KCNT2: variants seen among roughly 807,000 people sequenced by gnomAD.
KCNT2 encodes the protein potassium sodium-activated channel subfamily T member 2.
A neutral mutation model predicts 153.8 loss-of-function variants in KCNT2; 67 were observed. That is an observed-to-expected ratio of 0.44 (90% CI 0.36 to 0.53). The LOEUF is 0.53. KCNT2 is among the 20% of genes least tolerant of loss of function. The pLI is 0.00. For missense variants in KCNT2, 975 were observed against 1,354.8 expected, an observed-to-expected ratio of 0.72 and a Z score of 4.40; for synonymous variants, 500 against 458.8, an observed-to-expected ratio of 1.09 and a Z score of -1.15.
chr1:196,280,904 T>A lies in KCNT2; in HGVS notation c.2866A>T (p.Ile956Phe), dbSNP rs377580548. 3.1e-6 allele frequency: 5 copies of A among 1,610,664 alleles called. No homozygotes were observed. The highest frequency in any genetic ancestry group is 2.2e-5 in the East Asian group (1 of 44,812). The change falls in exon 25 of 28, where the codon ATT becomes TTT. Residue 956 changes from isoleucine (I) to phenylalanine (F), a missense_variant. This residue lies in a region of KCNT2 where 241 missense variants were observed against 271.1 expected (regional missense o/e 0.89). Transcript: ENST00000294725. ...TGAGACTCAGTCCTGTAGATTCCAA[T>A]GGGAACATCTCCAGTAGAAGAACAC... ...KLCSSTGDVP[I>F]GIYRTESQKL... is the part of the protein sequence containing the mutation.
At chr1:196,256,843 T>C (rs2147774467) in intron 26 of KCNT2, among the ~76,000 whole-genome samples, 2 of 152,046 alleles carry the variant, frequency 1.3e-5, no homozygotes, top group South Asian at 4.1e-4. Flanking sequence ...CCCGCTGGGC[T>C]GCATTCTCAG....
chr1:196,568,822 A>T (rs1339306543), intron 1 of KCNT2, among the ~76,000 whole-genome samples: 1 of 151,924 alleles, frequency 6.6e-6, no homozygotes, highest in Non-Finnish European at 1.5e-5. Flanking sequence ...AATTGAAGCA[A>T]ATAGTAAATA....
At chr1:196,470,226 G>A (rs906685547) in intron 5 of KCNT2, among the ~76,000 whole-genome samples, 1 of 152,076 alleles carries the variant, frequency 6.6e-6, no homozygotes, top group Non-Finnish European at 1.5e-5. Context: ...AAGTGAAAAG[G>A]GCTCCAGGGA....
chr1:196,513,303 AC>A (rs1681786538), intron 1 of KCNT2, among the ~76,000 whole-genome samples: 1 of 152,178 alleles, frequency 6.6e-6, no homozygotes, highest in Non-Finnish European at 1.5e-5. Flanking sequence ...TACTTCTAAC[AC>A]CCTGTTAGCA....
chr1:196,596,051 G>GATATATATAT (rs1664022466), intron 1 of KCNT2, among the ~76,000 whole-genome samples: 3 of 87,230 alleles, frequency 3.4e-5, no homozygotes, highest in African/African-American at 1.9e-4. Context: ...TGTATTCCAT[G>GATATATATAT]ATGTGTATAT....
intron 1 of KCNT2, among the ~76,000 whole-genome samples, chr1:196,589,340 TG>T (rs1339550861): frequency 6.6e-6 from 1 of 152,020 alleles, no homozygotes; most frequent in East Asian, 1.9e-4. Context: ...TACATTAAAA[TG>T]TACCAACTTT....
At chr1:196,417,933 T>C (rs1156929301) in intron 12 of KCNT2, among the ~76,000 whole-genome samples, 3 of 152,152 alleles carry the variant, frequency 2.0e-5, no homozygotes, top group Non-Finnish European at 4.4e-5. Context: ...GGGACGACCA[T>C]TGTATATTCA....
intron 1 of KCNT2, among the ~76,000 whole-genome samples, chr1:196,557,524 A>G (rs1001012839): frequency 2.0e-5 from 3 of 151,032 alleles, no homozygotes; most frequent in African/African-American, 7.3e-5. Flanking sequence ...CCCTGCAAAT[A>G]TTCTCCTCAT....
At position 196,373,265 on chromosome 1, in the gene KCNT2, A is replaced by G. The variant is rs768271738; in HGVS notation, c.1295-17T>C. 5 of 1,060,648 alleles carry G rather than the reference A, an allele frequency of 4.7e-6. No individual in the cohort carries two copies. Among genetic ancestry groups the G allele is most frequent in the Non-Finnish European group, 5.8e-6 (4 of 686,114 alleles). 65.7% of individuals were successfully genotyped at this position (1,060,648 alleles called of 1,614,324 possible). On this transcript the variant is annotated splice_polypyrimidine_tract_variant and intron_variant, in intron 13 of 27. Transcript: ENST00000294725. ...CAACATGATCTGTTTGAAATAAAATAGGTAAATTAGAATAATTTACCTTTG... is the reference window on the plus strand; with the variant it reads ...CAACATGATCTGTTTGAAATAAAATGGGTAAATTAGAATAATTTACCTTTG...
At chr1:196,597,801 T>G (rs1664265380) in intron 1 of KCNT2, among the ~76,000 whole-genome samples, 2 of 152,210 alleles carry the variant, frequency 1.3e-5, no homozygotes. Flanking sequence ...TCTATGCTAT[T>G]GCATGAATTT....
intron 1 of KCNT2, among the ~76,000 whole-genome samples, chr1:196,574,324 C>T (rs1288580533): frequency 6.6e-6 from 1 of 151,294 alleles, no homozygotes; most frequent in Non-Finnish European, 1.5e-5. Flanking sequence ...AAGTGTTTTA[C>T]TAATCATTTT....
intron 1 of KCNT2, among the ~76,000 whole-genome samples, chr1:196,541,161 T>C (rs1421923411): frequency 1.3e-5 from 2 of 151,748 alleles, no homozygotes; most frequent in African/African-American, 4.8e-5. Context: ...ATCTAATATC[T>C]AATTATCACT....
chr1:196,382,185 G>A lies in KCNT2; in HGVS notation c.1295-8937C>T, dbSNP rs558364362. On this transcript the variant is annotated intron_variant, in intron 13 of 27. Coordinates refer to ENST00000294725, the MANE Select transcript of KCNT2 (RefSeq NM_198503.5). The stretch of plus-strand genomic sequence containing the variant: ...GCGAGCGCGGCTCACTGCAAGCTCC[G>A]CCTCCCAGGTTCATGCCATTCTCCT... Among the ~76,000 whole-genome samples, 203 of 151,894 alleles carry A rather than the reference G, an allele frequency of 1.3e-3. 1 individual carries two copies. Among genetic ancestry groups the A allele is most frequent in the African/African-American group, 4.5e-3 (187 of 41,434 alleles).
chr1:196,436,897 A>C (rs1317879643), intron 8 of KCNT2, among the ~76,000 whole-genome samples: 1 of 147,360 alleles, frequency 6.8e-6, no homozygotes, highest in Non-Finnish European at 1.5e-5. Flanking sequence ...AAAGAATTTA[A>C]TAATGTCTCA....
At chr1:196,606,146 G>A (rs538624768) in intron 1 of KCNT2, among the ~76,000 whole-genome samples, 18 of 152,218 alleles carry the variant, frequency 1.2e-4, no homozygotes, top group Non-Finnish European at 2.5e-4. Context: ...TTAGTTCTGC[G>A]CCTCTCCATC....
intron 1 of KCNT2, among the ~76,000 whole-genome samples, chr1:196,556,957 ATGG>A (rs1658752220): frequency 6.6e-6 from 1 of 151,264 alleles, no homozygotes; most frequent in African/African-American, 2.4e-5. Flanking sequence ...GAGAAAAAGA[ATGG>A]AAGGATGGTT....
chr1:196,498,432 C>T (rs751613456), intron 1 of KCNT2, among the ~76,000 whole-genome samples: 7 of 152,042 alleles, frequency 4.6e-5, no homozygotes, highest in Non-Finnish European at 8.8e-5. Context: ...TTTTTCCCTC[C>T]CTCTTTCTTC....
chr1:196,497,677 A>G (rs926302196), intron 1 of KCNT2, among the ~76,000 whole-genome samples: 5 of 152,054 alleles, frequency 3.3e-5, no homozygotes, highest in Non-Finnish European at 7.4e-5. Flanking sequence ...TCAGTAATGG[A>G]TGGGTATTGA....
intron 27 of KCNT2, among the ~76,000 whole-genome samples, chr1:196,235,472 A>G (rs1207025473): frequency 1.3e-5 from 2 of 151,476 alleles, no homozygotes; most frequent in Non-Finnish European, 3.0e-5. Context: ...AGCTTTGTTA[A>G]TTAGAGTGTA....
Sources: allele counts gnomAD v4.1 joint callset (sites outside exome capture counted in the v4.1 genomes callset), GRCh38; gene constraint gnomAD v4.1.1; regional missense constraint gnomAD v4.1.1; transcripts MANE v1.5; gene names NCBI Gene and HGNC (gene_info 2026-07-23, HGNC 2026-07-21).